ZDHHC14: variants seen among roughly 807,000 people sequenced by gnomAD.
ZDHHC14 encodes the protein palmitoyltransferase ZDHHC14.
Under a neutral mutation model 47.7 loss-of-function variants are expected in ZDHHC14, and 16 were observed. That is an observed-to-expected ratio of 0.34 (90% confidence interval 0.23 to 0.51). The LOEUF (loss-of-function observed/expected upper bound fraction) is 0.51, where lower values mean the gene tolerates loss of function less well. Ranked by LOEUF, ZDHHC14 falls within the 20% of genes least tolerant of loss-of-function variation. The pLI is 0.97. For synonymous variants in ZDHHC14, 293 were observed against 278.9 expected (o/e 1.05, Z -0.50); for missense variants, 515 against 662.5 (o/e 0.78, Z 2.44).
intron 1 of ZDHHC14, among the ~76,000 whole-genome samples, chr6:157,542,087 G>A (rs2114804001): frequency 6.6e-6 from 1 of 152,314 alleles, no homozygotes; most frequent in Non-Finnish European, 1.5e-5. Context: ...TTGAAAGTGT[G>A]TGTACAGTCC....
intron 8 of ZDHHC14, among the ~76,000 whole-genome samples, chr6:157,670,481 A>T (rs1306450294): frequency 6.6e-6 from 1 of 151,954 alleles, no homozygotes; most frequent in Non-Finnish European, 1.5e-5. Context: ...TTTTGTAGAG[A>T]TGAGGTTTTG....
intron 1 of ZDHHC14, among the ~76,000 whole-genome samples, chr6:157,504,239 G>C (rs1050083777): frequency 1.3e-5 from 2 of 151,804 alleles, no homozygotes; most frequent in Admixed American, 6.6e-5. Flanking sequence ...ATGGAGTCTC[G>C]CTGTGCCGCC....
chr6:157,592,679 A>C, intron 2 of ZDHHC14: 2 of 1,024,576 alleles, frequency 2.0e-6, no homozygotes, highest in East Asian at 6.3e-5. Context: ...CCTGCCGCCT[A>C]CAGGGAGGGG....
intron 1 of ZDHHC14, among the ~76,000 whole-genome samples, chr6:157,497,724 T>C (rs1780101121): frequency 6.6e-6 from 1 of 152,174 alleles, no homozygotes; most frequent in African/African-American, 2.4e-5. Context: ...GATCAGTGAA[T>C]TAGTTCTGGC....
intron 1 of ZDHHC14, among the ~76,000 whole-genome samples, chr6:157,436,354 C>T (rs542624634): frequency 6.6e-6 from 1 of 152,246 alleles, no homozygotes; most frequent in East Asian, 1.9e-4. Context: ...GAAGCATGTG[C>T]TTGGTAACAG....
At chr6:157,542,237 C>T (rs17542809) in intron 1 of ZDHHC14, among the ~76,000 whole-genome samples, 91,400 of 151,996 alleles carry the variant, frequency 0.6, 28,882 homozygotes, top group African/African-American at 0.82. Context: ...CATAGACTCC[C>T]GAACCGTGTT....
chr6:157,490,453 C>T (rs1484407190), intron 1 of ZDHHC14, among the ~76,000 whole-genome samples: 1 of 152,174 alleles, frequency 6.6e-6, no homozygotes, highest in Non-Finnish European at 1.5e-5. Context: ...CCTTGAAAAG[C>T]TTTTACTCTA....
intron 3 of ZDHHC14, among the ~76,000 whole-genome samples, chr6:157,623,630 C>G (rs1478644784): frequency 6.6e-6 from 1 of 150,784 alleles, no homozygotes; most frequent in Non-Finnish European, 1.5e-5. Flanking sequence ...GCAGCTTGCA[C>G]CCTCCACCTC....
intron 2 of ZDHHC14, among the ~76,000 whole-genome samples, chr6:157,571,516 C>A (rs944940467): frequency 6.6e-6 from 1 of 152,222 alleles, no homozygotes; most frequent in Non-Finnish European, 1.5e-5. Context: ...GGCAGACCTT[C>A]CATAATTAAC....
chr6:157,475,294 A>T (rs2114830305), intron 1 of ZDHHC14, among the ~76,000 whole-genome samples: 1 of 152,196 alleles, frequency 6.6e-6, no homozygotes, highest in South Asian at 2.1e-4. Context: ...TAGATTTTGA[A>T]AGCAGGTAAT....
Position 157,614,778 on chromosome 6 carries a change from G to GT in ZDHHC14, c.566-13561dup, listed in dbSNP as rs1188906760. The stretch of plus-strand genomic sequence containing the variant: ...TTGAAACTCTTCATGTTTTTTTTTT[G>GT]TTTTTTTTTTGAGACAGAGTCTCAC... On this transcript the variant is annotated intron_variant, in intron 3 of 8. Coordinates refer to ENST00000359775, the MANE Select transcript of ZDHHC14 (RefSeq NM_024630.3). Among the ~76,000 whole-genome samples, 596 of 137,820 alleles carry GT rather than the reference G, an allele frequency of 4.3e-3. 1 individual carries two copies. The highest frequency in any genetic ancestry group is 6.8e-3 in the South Asian group (30 of 4,396). 90.4% of individuals were successfully genotyped at this position (137,820 alleles called of 152,430 possible).
chr6:157,420,099 C>T (rs368458727), intron 1 of ZDHHC14, among the ~76,000 whole-genome samples: 58 of 152,314 alleles, frequency 3.8e-4, no homozygotes, highest in African/African-American at 1.3e-3. Context: ...TTTAAGGTCT[C>T]TAGCATGGAA....
At chr6:157,473,234 C>T (rs183689071) in intron 1 of ZDHHC14, among the ~76,000 whole-genome samples, 73 of 152,288 alleles carry the variant, frequency 4.8e-4, no homozygotes, top group Non-Finnish European at 8.1e-4. Flanking sequence ...TAACTCTAGT[C>T]GTCATGATGT....
chr6:157,506,353 A>G (rs1780325928), intron 1 of ZDHHC14, among the ~76,000 whole-genome samples: 1 of 152,168 alleles, frequency 6.6e-6, no homozygotes, highest in Non-Finnish European at 1.5e-5. Context: ...ACTATTTCTG[A>G]GGTCTCTTTC....
intron 3 of ZDHHC14, among the ~76,000 whole-genome samples, chr6:157,617,569 T>A (rs1211670982): frequency 1.3e-5 from 2 of 152,148 alleles, no homozygotes; most frequent in East Asian, 3.8e-4. Flanking sequence ...AGCATGCCAA[T>A]TGGGAATACA....
chr6:157,542,184 G>A lies in ZDHHC14; in HGVS notation c.246-401G>A, dbSNP rs140280360. ...CTCATGAAGATCATTCTAAATTGGTGTCTTCTTCTGTTATGTAATCCCAGG... is the reference window on the plus strand; with the variant it reads ...CTCATGAAGATCATTCTAAATTGGTATCTTCTTCTGTTATGTAATCCCAGG... On this transcript the variant is annotated intron_variant, in intron 1 of 8. Coordinates refer to ENST00000359775, the MANE Select transcript of ZDHHC14 (RefSeq NM_024630.3). Among the ~76,000 whole-genome samples the A allele has an allele frequency of 3.4e-3, 521 of 152,304 alleles. 1 individual carries two copies. Among genetic ancestry groups the A allele is most frequent in the Non-Finnish European group, 5.7e-3 (389 of 68,024 alleles).
chr6:157,606,284 G>A (rs567932654), intron 3 of ZDHHC14, among the ~76,000 whole-genome samples: 97 of 152,112 alleles, frequency 6.4e-4, no homozygotes, highest in African/African-American at 2.3e-3. Flanking sequence ...TGGCCAACAT[G>A]GTAAAACCCT....
intron 5 of ZDHHC14, among the ~76,000 whole-genome samples, chr6:157,640,854 A>C (rs2114973135): frequency 6.6e-6 from 1 of 152,324 alleles, no homozygotes; most frequent in South Asian, 2.1e-4. Context: ...CAAGAGCAAA[A>C]AGAAAGTGTT....
intron 1 of ZDHHC14, among the ~76,000 whole-genome samples, chr6:157,454,890 G>A (rs1778878902): frequency 6.6e-6 from 1 of 152,160 alleles, no homozygotes; most frequent in Non-Finnish European, 1.5e-5. Flanking sequence ...CCCAGCAGAA[G>A]CACAATATTG....
Sources: allele counts gnomAD v4.1 joint callset (sites outside exome capture counted in the v4.1 genomes callset), GRCh38; gene constraint gnomAD v4.1.1; transcripts MANE v1.5; gene names NCBI Gene and HGNC (gene_info 2026-07-23, HGNC 2026-07-21).